The following ACTR10 variants were observed in gnomAD, a reference collection of about 807,000 sequenced individuals.
ACTR10 encodes actin-related protein 10.
A neutral mutation model predicts 56.2 loss-of-function variants in ACTR10; 43 were observed. The observed-to-expected ratio is 0.77, with a 90% CI of 0.60 to 0.99. ACTR10 has a LOEUF of 0.99. Among genes scored for constraint, ACTR10 ranks in the 50% least tolerant of loss-of-function variants. The pLI, the probability that ACTR10 is intolerant of heterozygous loss-of-function variation, is 0.00. For synonymous variants in ACTR10, 170 were observed against 176.3 expected (o/e 0.96, Z 0.28); for missense variants, 466 against 507.8 (o/e 0.92, Z 0.79).
chr14:58,202,623 T>C (rs1044413354), intron 1 of ACTR10, among the ~76,000 whole-genome samples: 3 of 152,152 alleles, frequency 2.0e-5, no homozygotes, highest in African/African-American at 4.8e-5. Flanking sequence ...ATAATACATT[T>C]GTTTTTTTCA....
At chr14:58,206,804 A>G (rs1318802627) in intron 2 of ACTR10, among the ~76,000 whole-genome samples, 1 of 152,160 alleles carries the variant, frequency 6.6e-6, no homozygotes, top group African/African-American at 2.4e-5. Context: ...ACAACTATGT[A>G]CCTGGAACTG....
chr14:58,229,955 A>G (rs1477923847), intron 10 of ACTR10, among the ~76,000 whole-genome samples: 1 of 152,116 alleles, frequency 6.6e-6, no homozygotes, highest in African/African-American at 2.4e-5. Context: ...GCAACTAGTG[A>G]TCCTTGTATT....
chr14:58,223,735 A>G (rs201871792), intron 9 of ACTR10, 34 bp downstream of exon 9: 57 of 1,600,696 alleles, frequency 3.6e-5, no homozygotes, highest in Non-Finnish European at 4.7e-5. Context: ...ATCTTTTTGC[A>G]AAGGTTACAA....
chr14:58,210,177 A>T (rs1001529155), intron 4 of ACTR10, among the ~76,000 whole-genome samples: 6 of 152,184 alleles, frequency 3.9e-5, no homozygotes, highest in Admixed American at 2.6e-4. Context: ...GAATACAGCC[A>T]TTATTTTGTC....
intron 2 of ACTR10, among the ~76,000 whole-genome samples, chr14:58,206,589 T>G: frequency 6.6e-6 from 1 of 152,226 alleles, no homozygotes; most frequent in Non-Finnish European, 1.5e-5. Flanking sequence ...GAAATTAGGC[T>G]GATGGTACTT....
intron 10 of ACTR10, among the ~76,000 whole-genome samples, chr14:58,225,776 G>A (rs940325806): frequency 2.6e-5 from 4 of 151,182 alleles, no homozygotes; most frequent in Admixed American, 6.6e-5. Flanking sequence ...GCACTGGCGC[G>A]GTCTCGGCTC....
rs757653999 is a variant in ACTR10 at position 58,202,836 on chromosome 14, A to G, written c.78-19A>G. 2.6e-6 allele frequency: 4 copies of G among 1,553,450 alleles called. No homozygotes were observed. In the South Asian group the frequency reaches 3.5e-5, roughly 14 times the overall value. The stretch of plus-strand genomic sequence containing the variant: ...TAAAAGAATACTATAAGTTGTTTCA[A>G]TTTTCCATTTATTTGCAGGTGTGGA... On this transcript the variant is annotated intron_variant, in intron 1 of 12. Transcript: ENST00000254286.
Position 58,208,017 on chromosome 14 carries a change from A to G in ACTR10, c.232A>G (p.Arg78Gly), listed in dbSNP as rs778022989. ...LKEFIHILYF[R>G]HLLVNPRDRR... The stretch of plus-strand genomic sequence containing the variant: ...GGAATTCATCCACATACTATATTTC[A>G]GGTAAGATACATTTTGTTTTCTAGC... The change falls in exon 3 of 13, where the codon AGG becomes GGG. Residue 78 changes from arginine (R) to glycine (G), a missense_variant and splice_region_variant. Transcript: ENST00000254286. 1.3e-6 allele frequency: 2 copies of G among 1,505,330 alleles called. No individual in the cohort carries two copies. Among genetic ancestry groups the G allele is most frequent in the Non-Finnish European group, 1.8e-6 (2 of 1,134,376 alleles). 93.2% of individuals were successfully genotyped at this position (1,505,330 alleles called of 1,614,324 possible).
chr14:58,229,400 C>T (rs1396516777), intron 10 of ACTR10, among the ~76,000 whole-genome samples: 1 of 152,048 alleles, frequency 6.6e-6, no homozygotes, highest in Non-Finnish European at 1.5e-5. Flanking sequence ...ATTTTGGGGC[C>T]GGGCGCAGTG....
chr14:58,200,389 G>A (rs990285498), intron 1 of ACTR10, 95 bp downstream of exon 1: 3 of 997,332 alleles, frequency 3.0e-6, no homozygotes, highest in Non-Finnish European at 4.0e-6. Context: ...GACTCGCTGG[G>A]CAGCTCCGGG....
chr14:58,207,927 T>G lies in ACTR10; in HGVS notation c.151-9T>G. ...ATATAAATTAATAAATCATTTTAATTTTTTACAGCCTGTCAGAGTTGTTCA... is the reference window on the plus strand; with the variant it reads ...ATATAAATTAATAAATCATTTTAATGTTTTACAGCCTGTCAGAGTTGTTCA... On this transcript the variant is annotated splice_polypyrimidine_tract_variant and intron_variant, in intron 2 of 12. Coordinates refer to ENST00000254286, the MANE Select transcript of ACTR10 (RefSeq NM_018477.3). 7.0e-7 allele frequency: 1 copy of G among 1,423,338 alleles called. No individual in the cohort carries two copies. The highest frequency in any genetic ancestry group is 9.2e-7 in the Non-Finnish European group (1 of 1,081,246). The allele number at this position is 1,423,338 out of a possible 1,614,324, so 88.2% of individuals were successfully genotyped here.
intron 2 of ACTR10, among the ~76,000 whole-genome samples, chr14:58,206,543 A>G (rs932166591): frequency 4.6e-5 from 7 of 152,156 alleles, no homozygotes; most frequent in Admixed American, 2.6e-4. Context: ...TTGATTATAT[A>G]TGGTTTGGAA....
At chr14:58,216,513 T>C (rs1159131117) in intron 7 of ACTR10, among the ~76,000 whole-genome samples, 1 of 152,234 alleles carries the variant, frequency 6.6e-6, no homozygotes, top group Admixed American at 6.5e-5. Flanking sequence ...CCAAATTATC[T>C]GTTGGATATA....
At chr14:58,222,098 G>A (rs1889288116) in intron 8 of ACTR10, among the ~76,000 whole-genome samples, 1 of 138,050 alleles carries the variant, frequency 7.2e-6, no homozygotes. Context: ...ACTACATAAT[G>A]TATTATGAAA....
At chr14:58,218,848 G>T (rs940210084) in intron 7 of ACTR10, among the ~76,000 whole-genome samples, 1 of 151,718 alleles carries the variant, frequency 6.6e-6, no homozygotes, top group Non-Finnish European at 1.5e-5. Context: ...TTTTTGAGAC[G>T]GAGTTTCACT....
chr14:58,230,641 G>T (rs1889508331), intron 11 of ACTR10, among the ~76,000 whole-genome samples, 161 bp downstream of exon 11: 1 of 151,942 alleles, frequency 6.6e-6, no homozygotes, highest in Admixed American at 6.6e-5. Context: ...ACAGAATACG[G>T]TCCTTTTTTA....
intron 5 of ACTR10, chr14:58,213,382 T>C (rs959651130): frequency 6.3e-6 from 2 of 315,648 alleles, no homozygotes; most frequent in African/African-American, 2.1e-5. Context: ...GTGGCTACTT[T>C]ATCAGATGCC....
At chr14:58,209,862 A>G (rs1195557658) in intron 4 of ACTR10, among the ~76,000 whole-genome samples, 2 of 152,224 alleles carry the variant, frequency 1.3e-5, no homozygotes, top group Non-Finnish European at 2.9e-5. Flanking sequence ...ATGTATTTTC[A>G]TACATTTACT....
At chr14:58,212,877 G>A (rs1019936490) in intron 5 of ACTR10, among the ~76,000 whole-genome samples, 8 of 152,170 alleles carry the variant, frequency 5.3e-5, no homozygotes, top group African/African-American at 1.9e-4. Flanking sequence ...TAGCACCTTG[G>A]GAGGCTGAGG....
Sources: gnomAD v4.1 joint callset for allele counts (sites outside exome capture counted in the v4.1 genomes callset) on GRCh38, gnomAD v4.1.1 for gene constraint, MANE v1.5 for transcripts, NCBI Gene and HGNC (gene_info 2026-07-23, HGNC 2026-07-21) for gene names.